Variants in EYS observed in about 807,000 individuals in gnomAD.
The protein encoded by EYS is protein eyes shut homolog.
EYS carries 250 observed loss-of-function variants against 282.1 expected under a neutral mutation model. That is an observed-to-expected ratio of 0.89 (90% confidence interval 0.80 to 0.98). The LOEUF is 0.98. EYS is among the 50% of genes least tolerant of loss of function. EYS has a pLI of 0.00. For synonymous variants in EYS, 1,355 were observed against 1,282.9 expected (o/e 1.06, Z -1.20); for missense variants, 4,016 against 3,709.0 (o/e 1.08, Z -2.15).
intron 29 of EYS, among the ~76,000 whole-genome samples, chr6:64,386,078 G>T (rs1246086202): frequency 6.6e-6 from 1 of 152,100 alleles, no homozygotes; most frequent in Non-Finnish European, 1.5e-5. Context: ...ATATGTTAAT[G>T]ATCTTTTGTG....
chr6:65,335,377 G>A (rs1769949767), intron 10 of EYS, among the ~76,000 whole-genome samples: 1 of 151,712 alleles, frequency 6.6e-6, no homozygotes, highest in African/African-American at 2.4e-5. Context: ...CTCCGTAATA[G>A]GAGCTATCAG....
chr6:64,491,822 ATTC>A (rs3079910), intron 26 of EYS, among the ~76,000 whole-genome samples: 45,076 of 150,776 alleles, frequency 0.3, 6,758 homozygotes, highest in East Asian at 0.46. Context: ...AAAGTAAATT[ATTC>A]TTCTCTCTGT....
intron 13 of EYS, among the ~76,000 whole-genome samples, chr6:65,054,312 T>G (rs965982258): frequency 4.6e-5 from 7 of 152,010 alleles, no homozygotes; most frequent in Non-Finnish European, 8.8e-5. Flanking sequence ...CATCTTTTCA[T>G]ATAAGAATTA....
chr6:65,124,106 C>G (rs1775648555), intron 12 of EYS, among the ~76,000 whole-genome samples: 1 of 151,982 alleles, frequency 6.6e-6, no homozygotes, highest in Non-Finnish European at 1.5e-5. Flanking sequence ...CCTAGGAGTC[C>G]AGGCTGCAAT....
intron 2 of EYS, among the ~76,000 whole-genome samples, chr6:65,544,935 G>A (rs1288713612): frequency 2.0e-5 from 3 of 152,002 alleles, no homozygotes; most frequent in Non-Finnish European, 4.4e-5. Context: ...TAAAAGAACT[G>A]ATAATCACAA....
Position 64,317,958 on chromosome 6 carries a change from C to T in EYS, c.6079-10876G>A, listed in dbSNP as rs558131548. 3.3e-5 allele frequency among the ~76,000 whole-genome samples: 5 copies of T among 152,136 alleles called. No individual in the cohort carries two copies. The South Asian group carries it at 1.0e-3, about 32-fold the overall frequency. On this transcript the variant is annotated intron_variant, in intron 29 of 42. Transcript: ENST00000503581. ...AAACCAAACACTGTATGTCCTCACTCATAAGTGGGAGTTGAACAATGAGAA... is the reference window on the plus strand; with the variant it reads ...AAACCAAACACTGTATGTCCTCACTTATAAGTGGGAGTTGAACAATGAGAA...
At chr6:64,215,314 G>GT (rs1382855111) in intron 31 of EYS, among the ~76,000 whole-genome samples, 1 of 150,948 alleles carries the variant, frequency 6.6e-6, no homozygotes, top group Non-Finnish European at 1.5e-5. Context: ...AATTTTTAAA[G>GT]TTTTTTTTCA....
chr6:65,185,132 G>A (rs759701100), intron 12 of EYS, among the ~76,000 whole-genome samples: 1 of 151,630 alleles, frequency 6.6e-6, no homozygotes, highest in East Asian at 2.0e-4. Flanking sequence ...GAAGAAAGAT[G>A]CACATAGATC....
chr6:65,007,524 C>G (rs1771718822), intron 13 of EYS, among the ~76,000 whole-genome samples: 1 of 152,010 alleles, frequency 6.6e-6, no homozygotes, highest in Admixed American at 6.6e-5. Flanking sequence ...AGTGAAGTGC[C>G]ATATGTACAA....
At chr6:63,738,935 C>A (rs1246494899) in intron 41 of EYS, among the ~76,000 whole-genome samples, 1 of 152,108 alleles carries the variant, frequency 6.6e-6, no homozygotes, top group Non-Finnish European at 1.5e-5. Context: ...GAGATCGTTG[C>A]TACATACTGA....
At chr6:63,920,776 C>T (rs998258903) in intron 35 of EYS, among the ~76,000 whole-genome samples, 9 of 152,196 alleles carry the variant, frequency 5.9e-5, no homozygotes, top group African/African-American at 2.2e-4. Flanking sequence ...ACTTGGTCCA[C>T]CTAGGACAGG....
At chr6:64,502,304 G>A (rs1006197469) in intron 26 of EYS, among the ~76,000 whole-genome samples, 2 of 151,884 alleles carry the variant, frequency 1.3e-5, no homozygotes, top group Non-Finnish European at 2.9e-5. Context: ...TCAGTGGCGC[G>A]ATCTCGACTC....
At chr6:64,266,048 C>T (rs956488689) in intron 30 of EYS, among the ~76,000 whole-genome samples, 18 of 152,086 alleles carry the variant, frequency 1.2e-4, no homozygotes, top group African/African-American at 4.1e-4. Context: ...TACATTTTCA[C>T]AAGAACTGAA....
At chr6:64,206,568 TATG>T (rs1477044180) in intron 31 of EYS, among the ~76,000 whole-genome samples, 2 of 152,216 alleles carry the variant, frequency 1.3e-5, no homozygotes, top group Non-Finnish European at 2.9e-5. Flanking sequence ...TCATGAATTT[TATG>T]ATATGTGAAA....
intron 2 of EYS, among the ~76,000 whole-genome samples, chr6:65,519,716 T>A (rs1299717444): frequency 0.016 from 980 of 61,210 alleles, 17 homozygotes; most frequent in African/African-American, 0.049. Context: ...ATATTTTTTT[T>A]TTTTTTTTTT....
intron 24 of EYS, among the ~76,000 whole-genome samples, chr6:64,595,469 T>C (rs556968502): frequency 6.6e-6 from 1 of 152,116 alleles, no homozygotes; most frequent in Admixed American, 6.5e-5. Context: ...ATAAAGAGCA[T>C]TAAAATTAGA....
chr6:64,889,605 T>G (rs1767215140), intron 18 of EYS, among the ~76,000 whole-genome samples: 1 of 152,024 alleles, frequency 6.6e-6, no homozygotes, highest in African/African-American at 2.4e-5. Context: ...AAATTAATAC[T>G]TTTATAATTT....
intron 12 of EYS, among the ~76,000 whole-genome samples, chr6:65,131,965 T>G (rs1161745630): frequency 6.6e-6 from 1 of 151,894 alleles, no homozygotes; most frequent in Non-Finnish European, 1.5e-5. Context: ...CTGGAAAACT[T>G]AGAAGAGAGG....
At chr6:64,658,424 TA>T (rs1209154843) in intron 22 of EYS, among the ~76,000 whole-genome samples, 1 of 151,494 alleles carries the variant, frequency 6.6e-6, no homozygotes, top group Non-Finnish European at 1.5e-5. Flanking sequence ...GGAGGAGAGG[TA>T]CTCTGATTTT....
Sources: allele counts gnomAD v4.1 joint callset (sites outside exome capture counted in the v4.1 genomes callset), GRCh38; gene constraint gnomAD v4.1.1; transcripts MANE v1.5; gene names NCBI Gene and HGNC (gene_info 2026-07-23, HGNC 2026-07-21).